Variants in PPP1R8 observed in about 807,000 individuals in gnomAD.
PPP1R8 encodes the protein protein phosphatase 1 regulatory subunit 8.
Under a neutral mutation model 31.3 loss-of-function variants are expected in PPP1R8, and 4 were observed. The ratio of observed to expected loss-of-function variants is 0.13; its 90% CI spans 0.06 to 0.29. The LOEUF (loss-of-function observed/expected upper bound fraction) is 0.29, where lower values mean the gene tolerates loss of function less well. Ranked by LOEUF, PPP1R8 falls within the 10% of genes least tolerant of loss-of-function variation. The pLI is 1.00. For synonymous variants in PPP1R8, 170 were observed against 169.7 expected (o/e 1.00, Z -0.01); for missense variants, 254 against 440.1 (o/e 0.58, Z 3.78).
At chr1:27,848,322 G>A (rs868035474) in intron 6 of PPP1R8, among the ~76,000 whole-genome samples, 2 of 151,944 alleles carry the variant, frequency 1.3e-5, no homozygotes, top group Admixed American at 6.6e-5. Context: ...GGAGAATGGC[G>A]TGAACCCGGG....
At chr1:27,850,032 T>G in intron 6 of PPP1R8, 61 bp from the exon 7 acceptor site, 1 of 1,460,632 alleles carries the variant, frequency 6.8e-7, no homozygotes, top group Non-Finnish European at 9.2e-7. Flanking sequence ...CTAACCACTC[T>G]TGGGCCTCAC....
In PPP1R8 at chr1:27,832,762, T is replaced by G. The variant is rs764393166; in HGVS notation, c.63T>G (p.Gly21=). The G allele has an allele frequency of 6.2e-7, 1 of 1,610,576 alleles. No individual in the cohort carries two copies. Among genetic ancestry groups the G allele is most frequent in the Non-Finnish European group, 8.5e-7 (1 of 1,178,086 alleles). ...LPLFDCPTWA[G]KPPPGLHLDV... ...TTCTATTTTTATTTTTCAGGGCAGG[T>G]AAGCCCCCTCCCGGTTTACATCTGG... The change falls in exon 2 of 7, where the codon GGT becomes GGG. Residue 21 remains glycine (G), a synonymous_variant. Coordinates refer to ENST00000311772, the MANE Select transcript of PPP1R8 (RefSeq NM_014110.5).
At chr1:27,831,345 G>C (rs1027112079) in intron 1 of PPP1R8, 6 of 990,468 alleles carry the variant, frequency 6.1e-6, no homozygotes, top group East Asian at 2.2e-4. Context: ...GCACTTGTCT[G>C]TCTGCCACAG....
Position 27,835,195 on chromosome 1 carries a change from A to G in PPP1R8, c.117+2379A>G, listed in dbSNP as rs140221860. On this transcript the variant is annotated intron_variant, in intron 2 of 6. Coordinates refer to ENST00000311772, the MANE Select transcript of PPP1R8 (RefSeq NM_014110.5). ...TTAGTCATTGTTATTTTAGAACCCA[A>G]GAGCTGGTGGTCTTTCATGTTCCTT... Among the ~76,000 whole-genome samples, 5 of 152,122 alleles carry G rather than the reference A, an allele frequency of 3.3e-5. No homozygotes were observed. In the East Asian group the frequency reaches 9.7e-4, roughly 29 times the overall value.
At chr1:27,841,887 T>C (rs1000187399) in intron 4 of PPP1R8, among the ~76,000 whole-genome samples, 3 of 152,214 alleles carry the variant, frequency 2.0e-5, no homozygotes, top group South Asian at 2.1e-4. Flanking sequence ...CCCAGTAGTT[T>C]GGTGTGGCTA....
chr1:27,842,856 A>T (rs1378561144), intron 4 of PPP1R8, among the ~76,000 whole-genome samples: 1 of 152,222 alleles, frequency 6.6e-6, no homozygotes. Context: ...GCATGAAGAC[A>T]TGATAGCCTT....
rs1448583856 is a variant in PPP1R8, at chr1:27,851,287, G to A, written c.*841G>A. 6.6e-6 allele frequency: 2 copies of A among 302,848 alleles called. No individual in the cohort carries two copies. Among genetic ancestry groups the A allele is most frequent in the Admixed American group, 4.2e-5 (1 of 23,790 alleles). 18.8% of individuals were successfully genotyped at this position (302,848 alleles called of 1,614,324 possible). A position where few individuals can be genotyped will look rare whatever the true frequency, so the allele number is the denominator to read the frequency against. On this transcript the variant is annotated 3_prime_UTR_variant, in exon 7 of 7. Coordinates refer to ENST00000311772, the MANE Select transcript of PPP1R8 (RefSeq NM_014110.5). Reference sequence around the variant, plus strand: ...AAAGATTTGTTTGGAAGTAACTGGTGTCTCTAAGAGGAATTTTTAGATGTC... The same window carrying A: ...AAAGATTTGTTTGGAAGTAACTGGTATCTCTAAGAGGAATTTTTAGATGTC...
In PPP1R8 at chr1:27,847,139, T is replaced by A. The variant is rs769312456; in HGVS notation, c.702+47T>A. On this transcript the variant is annotated intron_variant, in intron 6 of 6. Transcript: ENST00000311772. ...ATACAGTCTGTGTTTTAAAACCTGC[T>A]CTTTAGGCCAGGCGCGTTGGCTTAT... 2.5e-6 allele frequency: 4 copies of A among 1,577,428 alleles called. No individual in the cohort carries two copies. In the African/African-American group the frequency reaches 5.4e-5, roughly 21 times the overall value.
chr1:27,850,009 G>A (rs2089325175), intron 6 of PPP1R8, 84 bp from the exon 7 acceptor site: 2 of 1,298,032 alleles, frequency 1.5e-6, no homozygotes, highest in Non-Finnish European at 2.1e-6. Context: ...TTTTAAGGCT[G>A]GAATAGAAAA....
Position 27,850,479 on chromosome 1 carries a change from T to A in PPP1R8, c.*33T>A. The A allele has an allele frequency of 2.3e-6, 1 of 429,858 alleles. No individual in the cohort carries two copies. The highest frequency in any genetic ancestry group is 4.8e-6 in the Non-Finnish European group (1 of 207,730). 26.6% of individuals were successfully genotyped at this position (429,858 alleles called of 1,614,324 possible). A position where few individuals can be genotyped will look rare whatever the true frequency, so the allele number is the denominator to read the frequency against. On this transcript the variant is annotated 3_prime_UTR_variant, in exon 7 of 7. Transcript: ENST00000311772. ...GGTCATGGAGAAGGGTGGGATTGGGTGGGAATGGGGTGGAAGGGTGATGGG... is the reference window on the plus strand; with the variant it reads ...GGTCATGGAGAAGGGTGGGATTGGGAGGGAATGGGGTGGAAGGGTGATGGG...
intron 5 of PPP1R8, among the ~76,000 whole-genome samples, chr1:27,844,067 G>A (rs1177279256): frequency 2.0e-5 from 3 of 151,780 alleles, no homozygotes; most frequent in Non-Finnish European, 4.4e-5. Flanking sequence ...CAGTGGCACA[G>A]TCACGGCTCA....
intron 2 of PPP1R8, among the ~76,000 whole-genome samples, chr1:27,835,549 A>G (rs763557589): frequency 1.3e-5 from 2 of 152,234 alleles, no homozygotes; most frequent in Non-Finnish European, 2.9e-5. Context: ...AGGGTTTCCC[A>G]GAGGTGACCC....
At chr1:27,847,960 C>T (rs991651682) in intron 6 of PPP1R8, among the ~76,000 whole-genome samples, 6 of 152,198 alleles carry the variant, frequency 3.9e-5, no homozygotes, top group African/African-American at 1.4e-4. Context: ...AGAGGCCCAC[C>T]TTCTTTTGGC....
chr1:27,830,931 G>A, intron 1 of PPP1R8, 40 bp downstream of exon 1: 1 of 1,523,250 alleles, frequency 6.6e-7, no homozygotes, highest in East Asian at 2.5e-5. Flanking sequence ...GGCCCGGCCG[G>A]AGCTAGCCTG....
rs866337899 is a variant in PPP1R8 at position 27,830,983 on chromosome 1, C to T, written c.56+92C>T. On this transcript the variant is annotated intron_variant, in intron 1 of 6. Transcript: ENST00000311772. The stretch of plus-strand genomic sequence containing the variant: ...CTTTTTTTACTTTTCTGCTGCGAGC[C>T]GAACGGCTCAGAAACCCCGGAATGG... 1.7e-5 allele frequency: 24 copies of T among 1,451,478 alleles called. 1 individual carries two copies. The Middle Eastern group carries it at 2.7e-3, about 165-fold the overall frequency. The allele number at this position is 1,451,478 out of a possible 1,614,324, so 89.9% of individuals were successfully genotyped here. A position where few individuals can be genotyped will look rare whatever the true frequency, so the allele number is the denominator to read the frequency against.
chr1:27,837,238 T>C (rs146843510), intron 2 of PPP1R8, among the ~76,000 whole-genome samples: 4,433 of 152,084 alleles, frequency 0.029, 233 homozygotes, highest in African/African-American at 0.1. Context: ...AAGACCATCC[T>C]GGCTAACACG....
chr1:27,835,541 G>C (rs936589497), intron 2 of PPP1R8, among the ~76,000 whole-genome samples: 1 of 152,160 alleles, frequency 6.6e-6, no homozygotes, highest in Admixed American at 6.5e-5. Flanking sequence ...TGCCAGATAG[G>C]GTTTCCCAGA....
chr1:27,837,737 T>G (rs2089183665), intron 2 of PPP1R8, among the ~76,000 whole-genome samples: 1 of 147,992 alleles, frequency 6.8e-6, no homozygotes, highest in Non-Finnish European at 1.5e-5. Flanking sequence ...ATCGCACCAC[T>G]GCACTCCAGA....
At chr1:27,849,339 C>G (rs1478796379) in intron 6 of PPP1R8, among the ~76,000 whole-genome samples, 3 of 148,864 alleles carry the variant, frequency 2.0e-5, no homozygotes, top group Non-Finnish European at 4.4e-5. Flanking sequence ...CCATTACACT[C>G]CAGCCTGGGC....
Sources: gnomAD v4.1 joint callset for allele counts (sites outside exome capture counted in the v4.1 genomes callset) on GRCh38, gnomAD v4.1.1 for gene constraint, MANE v1.5 for transcripts, NCBI Gene and HGNC (gene_info 2026-07-23, HGNC 2026-07-21) for gene names.